ITIH6: variants seen among roughly 807,000 people sequenced by gnomAD.
ITIH6 encodes inter-alpha-trypsin inhibitor heavy chain H6.
Under a neutral mutation model 58.2 loss-of-function variants are expected in ITIH6, and 60 were observed. That is an observed-to-expected ratio of 1.03 (90% CI 0.84 to 1.28). The LOEUF is 1.28. ITIH6 is among the 50% of genes most tolerant of loss of function. The probability of loss-of-function intolerance (pLI) is 0.00; values close to 1 mark genes in which losing one functional copy is unlikely to be tolerated. For synonymous variants in ITIH6, 493 were observed against 417.4 expected (o/e 1.18, Z -2.21); for missense variants, 1,290 against 1,021.1 (o/e 1.26, Z -3.59).
At chrX:54,795,102 C>G (rs1052614214) in intron 2 of ITIH6, among the ~76,000 whole-genome samples, 2 of 111,831 alleles carry the variant, frequency 1.8e-5, no homozygotes, top group African/African-American at 6.5e-5. Context: ...CCCTGTTTGC[C>G]TACTCAGCTC....
At chrX:54,766,702 C>T (rs1443338163) in intron 6 of ITIH6, among the ~76,000 whole-genome samples, 33 of 94,788 alleles carry the variant, frequency 3.5e-4, no homozygotes, top group African/African-American at 1.2e-3. Flanking sequence ...TATTGATTTG[C>T]GTATATTGAA....
chrX:54,791,212 C>T, intron 3 of ITIH6, 128 bp from the exon 4 acceptor site: 1 of 604,284 alleles, frequency 1.7e-6, no homozygotes, highest in Non-Finnish European at 2.5e-6. Context: ...TCTGGTTCAA[C>T]TGAGTCACTG....
chrX:54,773,392 A>T (rs765590112), intron 6 of ITIH6, among the ~76,000 whole-genome samples: 3 of 111,453 alleles, frequency 2.7e-5, no homozygotes, highest in African/African-American at 9.8e-5. Flanking sequence ...AGGTTGCTCA[A>T]CTCTGGTAAA....
intron 6 of ITIH6, among the ~76,000 whole-genome samples, chrX:54,760,478 T>G (rs750120537): frequency 1.8e-5 from 2 of 111,622 alleles, no homozygotes; most frequent in East Asian, 2.8e-4. Context: ...CTAGGGTACA[T>G]GTACACAACA....
chrX:54,791,876 T>C (rs1929354096), intron 3 of ITIH6, 50 bp downstream of exon 3: 1 of 721,553 alleles, frequency 1.4e-6, no homozygotes, highest in Non-Finnish European at 2.2e-6. Context: ...TCTCCCCTGA[T>C]CACACAGCTA....
rs185029991 is a variant in ITIH6 at position 54,782,009 on chromosome X, A to G, written c.786+6471T>C. Reference sequence around the variant, plus strand: ...GAAAACCAAATACTGCATGTCCTCAATTATGAGTGGGAGCTAAATAATGAG... The same window carrying G: ...GAAAACCAAATACTGCATGTCCTCAGTTATGAGTGGGAGCTAAATAATGAG... On this transcript the variant is annotated intron_variant, in intron 5 of 12. Coordinates refer to ENST00000218436, the MANE Select transcript of ITIH6 (RefSeq NM_198510.3). Among the ~76,000 whole-genome samples, 25 of 111,977 alleles carry G rather than the reference A, an allele frequency of 2.2e-4. No homozygotes were observed. The East Asian group carries it at 6.4e-3, about 29-fold the overall frequency.
chrX:54,749,900 G>A lies in ITIH6; in HGVS notation c.3937C>T (p.Leu1313=), dbSNP rs1015135838. 6 of 1,205,407 alleles carry A rather than the reference G, an allele frequency of 5.0e-6. No individual in the cohort carries two copies. The African/African-American group carries it at 5.3e-5, about 11-fold the overall frequency. ...GCTCTGGAATTCAGAAGCCATCACA[G>A]GACATAGGAGAGGTAGGGGTGGCCC... ...LLGHPYLSYV[L] is the part of the protein sequence containing the mutation. Residue 1313 remains leucine, a synonymous_variant, in exon 13 of 13, where the codon CTG becomes TTG. Transcript: ENST00000218436.
At chrX:54,786,146 C>G (rs1256616129) in intron 5 of ITIH6, among the ~76,000 whole-genome samples, 1 of 112,055 alleles carries the variant, frequency 8.9e-6, no homozygotes, top group East Asian at 2.8e-4. Flanking sequence ...CACCATCATC[C>G]ACATGGTCAC....
chrX:54,788,136 G>A (rs1929274440), intron 5 of ITIH6, among the ~76,000 whole-genome samples: 1 of 111,978 alleles, frequency 8.9e-6, no homozygotes, highest in Non-Finnish European at 1.9e-5. Context: ...GGAGAGTATA[G>A]GAGCTGCAGA....
intron 5 of ITIH6, among the ~76,000 whole-genome samples, chrX:54,775,564 C>T (rs1031563776): frequency 9.0e-6 from 1 of 111,715 alleles, no homozygotes; most frequent in African/African-American, 3.3e-5. Flanking sequence ...CCTCAGGTCC[C>T]CTCTCTCTAA....
intron 5 of ITIH6, among the ~76,000 whole-genome samples, chrX:54,777,504 C>T (rs1929074023): frequency 8.9e-6 from 1 of 112,228 alleles, no homozygotes; most frequent in African/African-American, 3.2e-5. Context: ...TGGGTGAGAC[C>T]CAGTACTGTG....
In ITIH6 at chrX:54,758,127, C is replaced by T; in HGVS notation, c.1947G>A (p.Gln649=). ...SRHGLGVSTA[Q]PALVPKVISP... Reference sequence around the variant, plus strand: ...AGATGACCTTGGGCACCAAGGCTGGCTGAGCTGTGCTTACCCCTAGGCCAT... The same window carrying T: ...AGATGACCTTGGGCACCAAGGCTGGTTGAGCTGTGCTTACCCCTAGGCCAT... The change falls in exon 8 of 13, where the codon CAG becomes CAA. Residue 649 remains glutamine (Q), a synonymous_variant. Transcript: ENST00000218436. 8.3e-7 allele frequency: 1 copy of T among 1,211,690 alleles called. No homozygotes were observed. The highest frequency in any genetic ancestry group is 1.1e-6 in the Non-Finnish European group (1 of 895,507).
chrX:54,767,175 G>A (rs371110588), intron 6 of ITIH6, among the ~76,000 whole-genome samples: 13 of 106,535 alleles, frequency 1.2e-4, no homozygotes, highest in East Asian at 5.9e-4. Flanking sequence ...GTTTATTTGC[G>A]TAGAGGTGTT....
Position 54,791,062 on chromosome X carries a change from G to A in ITIH6, c.391C>T (p.Arg131Cys), listed in dbSNP as rs747379236. The A allele has an allele frequency of 5.0e-6, 6 of 1,209,555 alleles. No homozygotes were observed. The highest frequency in any genetic ancestry group is 1.8e-5 in the South Asian group (1 of 56,644). The change falls in exon 4 of 13, where the codon CGC (arginine) becomes TGC (cysteine). Residue 131 changes from arginine (R) to cysteine (C), a missense_variant. By Grantham distance (180) the Arg-to-Cys change is radical. Coordinates refer to ENST00000218436, the MANE Select transcript of ITIH6 (RefSeq NM_198510.3). ...GIRDRESEKF[R>C]ISTSLAAGTE... is the part of the protein sequence containing the mutation. ...CCTGCTGCCAGGCTGGTGGAGATGC[G>A]GAACTTCTCTGATTCCCGGTCCCTG...
At chrX:54,781,965 G>A (rs1406962201) in intron 5 of ITIH6, among the ~76,000 whole-genome samples, 2 of 111,744 alleles carry the variant, frequency 1.8e-5, no homozygotes, top group African/African-American at 6.5e-5. Flanking sequence ...ATTATCCTTA[G>A]CAAACTAACA....
In ITIH6 at chrX:54,757,212, C is replaced by T. The variant is rs139251692; in HGVS notation, c.2862G>A (p.Arg954=). Residue 954 remains arginine (R), a synonymous_variant, in exon 8 of 13, where the codon AGG becomes AGA. Coordinates refer to ENST00000218436, the MANE Select transcript of ITIH6 (RefSeq NM_198510.3). ...YDLLPGPQRT[R]QVLGPSRPGV... ...CTGGCCTAGATGGTCCCAGAACTTG[C>T]CTGGTCCTCTGGGGACCCGGGAGGA... 5 of 1,198,831 alleles carry T rather than the reference C, an allele frequency of 4.2e-6. No individual in the cohort carries two copies. The African/African-American group carries it at 5.3e-5, about 13-fold the overall frequency.
Position 54,779,759 on chromosome X carries a change from T to TA in ITIH6, c.787-5563dup, listed in dbSNP as rs773344876. On this transcript the variant is annotated intron_variant, in intron 5 of 12. Coordinates refer to ENST00000218436, the MANE Select transcript of ITIH6 (RefSeq NM_198510.3). ...AAAGACATAGAGTGACTGAATGGAT[T>TA]AAAAAAAATAAGACCCACTGATCTG... Among the ~76,000 whole-genome samples, 273 of 109,981 alleles carry TA rather than the reference T, an allele frequency of 2.5e-3. 3 individuals carry two copies. The highest frequency in any genetic ancestry group is 4.7e-3 in the Middle Eastern group (1 of 212).
At chrX:54,753,508 G>T in intron 11 of ITIH6, 143 bp downstream of exon 11, 2 of 447,467 alleles carry the variant, frequency 4.5e-6, no homozygotes, top group Admixed American at 7.3e-5. Context: ...TTTTTTGTGT[G>T]TCTTGGTGTG....
intron 6 of ITIH6, among the ~76,000 whole-genome samples, chrX:54,764,372 T>C (rs1928720212): frequency 9.2e-6 from 1 of 108,927 alleles, no homozygotes; most frequent in African/African-American, 3.4e-5. Flanking sequence ...ACTCGTCATC[T>C]AGTATTAGGT....
Sources: allele counts gnomAD v4.1 joint callset (sites outside exome capture counted in the v4.1 genomes callset), GRCh38; gene constraint gnomAD v4.1.1; transcripts MANE v1.5; gene names NCBI Gene and HGNC (gene_info 2026-07-23, HGNC 2026-07-21).